Variants in TAOK3 observed in about 807,000 individuals in gnomAD.
TAOK3 encodes the protein TAO kinase 3.
TAOK3 carries 40 observed loss-of-function variants against 120.4 expected under a neutral mutation model. The observed-to-expected ratio is 0.33, with a 90% CI of 0.26 to 0.43. The LOEUF (loss-of-function observed/expected upper bound fraction) is 0.43, where lower values mean the gene tolerates loss of function less well. Among genes scored for constraint, TAOK3 ranks in the 20% least tolerant of loss-of-function variants. The pLI, the probability that TAOK3 is intolerant of heterozygous loss-of-function variation, is 1.00. For synonymous variants in TAOK3, 355 were observed against 387.5 expected (o/e 0.92, Z 0.99); for missense variants, 821 against 1,112.1 (o/e 0.74, Z 3.72).
At chr12:118,172,803 A>G (rs995317727) in intron 16 of TAOK3, 143 bp from the exon 17 acceptor site, 15 of 690,198 alleles carry the variant, frequency 2.2e-5, no homozygotes, top group African/African-American at 2.2e-4. Context: ...CCTTCCCCCA[A>G]TTTTTTTTAT....
chr12:118,177,503 A>C (rs2036419542), intron 15 of TAOK3, among the ~76,000 whole-genome samples, 174 bp from the exon 16 acceptor site: 1 of 152,106 alleles, frequency 6.6e-6, no homozygotes, highest in African/African-American at 2.4e-5. Flanking sequence ...GAAACACAAA[A>C]AAAAAAACAC....
At chr12:118,363,507 T>C (rs2045660494) in intron 1 of TAOK3, among the ~76,000 whole-genome samples, 1 of 151,944 alleles carries the variant, frequency 6.6e-6, no homozygotes, top group Admixed American at 6.6e-5. Context: ...TATTAGAGAG[T>C]ATTATGTAAT....
chr12:118,180,222 G>A (rs795479), intron 15 of TAOK3, among the ~76,000 whole-genome samples: 104,060 of 150,336 alleles, frequency 0.69, 35,916 homozygotes, highest in South Asian at 0.72. Flanking sequence ...TGCTGGGATT[G>A]CAGGCGTGAG....
chr12:118,187,125 G>A (rs978076854), intron 14 of TAOK3, among the ~76,000 whole-genome samples: 1 of 152,130 alleles, frequency 6.6e-6, no homozygotes, highest in Non-Finnish European at 1.5e-5. Context: ...TCTAGTTATT[G>A]AAAAACTAAT....
intron 1 of TAOK3, among the ~76,000 whole-genome samples, chr12:118,343,917 C>A (rs2044738174): frequency 1.3e-5 from 2 of 151,204 alleles, no homozygotes; most frequent in African/African-American, 4.9e-5. Flanking sequence ...GAGGCTGAGG[C>A]AGGAGAATGG....
chr12:118,246,183 C>G, intron 3 of TAOK3: 2 of 1,399,918 alleles, frequency 1.4e-6, no homozygotes, highest in Non-Finnish European at 2.0e-6. Context: ...CAGTGGCATC[C>G]GGGGCCGGGG....
chr12:118,206,296 CT>C (rs963734272), intron 11 of TAOK3, among the ~76,000 whole-genome samples: 1 of 152,210 alleles, frequency 6.6e-6, no homozygotes, highest in Non-Finnish European at 1.5e-5. Flanking sequence ...ACGCCACTTC[CT>C]TTTCCAATGT....
At position 118,149,984 on chromosome 12, in the gene TAOK3, A is replaced by G. The variant is rs982161621; in HGVS notation, c.*1013T>C. ...AGTTTGAAAGTGTGAATAATGCAAT[A>G]TTTATGACCAAGAAATGGGACTTAG... On this transcript the variant is annotated 3_prime_UTR_variant, in exon 21 of 21. Coordinates refer to ENST00000392533, the MANE Select transcript of TAOK3 (RefSeq NM_016281.4). The G allele has an allele frequency of 2.0e-5, 3 of 151,864 alleles. No individual in the cohort carries two copies. The highest frequency in any genetic ancestry group is 7.3e-5 in the African/African-American group (3 of 41,294). 9.4% of individuals were successfully genotyped at this position (151,864 alleles called of 1,614,324 possible).
In TAOK3 at chr12:118,370,118, C is replaced by T. The variant is rs538781397; in HGVS notation, c.-194+2530G>A. ...TCCATCTCCTGACCTTGTGATCCGC[C>T]TGCCTCGGCCTCCCAAAGTGCTAGG... On this transcript the variant is annotated intron_variant, in intron 1 of 20. Transcript: ENST00000392533. Among the ~76,000 whole-genome samples, 223 of 149,832 alleles carry T rather than the reference C, an allele frequency of 1.5e-3. 2 individuals are homozygous for T. The highest frequency in any genetic ancestry group is 0.014 in the Middle Eastern group (4 of 294).
intron 9 of TAOK3, among the ~76,000 whole-genome samples, chr12:118,226,789 G>T (rs1182533851): frequency 6.6e-6 from 1 of 152,160 alleles, no homozygotes; most frequent in Non-Finnish European, 1.5e-5. Context: ...AGAGCATGTA[G>T]TTATACATAT....
rs570576898 is a variant in TAOK3, at chr12:118,183,624, C to T, written c.1330-2017G>A. ...TATATGTATCAATTTTACTTCTTCACGCTTATATGTTTCTGAAGTACAACT... is the reference window on the plus strand; with the variant it reads ...TATATGTATCAATTTTACTTCTTCATGCTTATATGTTTCTGAAGTACAACT... On this transcript the variant is annotated intron_variant, in intron 14 of 20. Coordinates refer to ENST00000392533, the MANE Select transcript of TAOK3 (RefSeq NM_016281.4). Among the ~76,000 whole-genome samples, 27 of 152,102 alleles carry T rather than the reference C, an allele frequency of 1.8e-4. No individual in the cohort carries two copies. In the South Asian group the frequency reaches 4.1e-3, roughly 23 times the overall value.
At chr12:118,337,577 C>G (rs1333179548) in intron 1 of TAOK3, among the ~76,000 whole-genome samples, 1 of 152,080 alleles carries the variant, frequency 6.6e-6, no homozygotes, top group Non-Finnish European at 1.5e-5. Flanking sequence ...GAAAATTACT[C>G]AACAACAAAA....
At chr12:118,286,906 T>C (rs2042287275) in intron 1 of TAOK3, among the ~76,000 whole-genome samples, 1 of 152,224 alleles carries the variant, frequency 6.6e-6, no homozygotes, top group South Asian at 2.1e-4. Context: ...AATTAATTAA[T>C]GGCATTTGCA....
chr12:118,199,180 C>T lies in TAOK3; in HGVS notation c.1065G>A (p.Val355=), dbSNP rs765092054. 6.2e-6 allele frequency: 10 copies of T among 1,614,182 alleles called. No homozygotes were observed. In the Admixed American group the frequency reaches 1.7e-4, roughly 27 times the overall value. The part of the protein sequence containing the change: ...GSNHSIPSMS[V]STGSQSSSVN... Reference sequence around the variant, plus strand: ...CACTGCTGCTCTGGCTGCCTGTGCTCACGGACATGCTTGGAATGGAATGGT... The same window carrying T: ...CACTGCTGCTCTGGCTGCCTGTGCTTACGGACATGCTTGGAATGGAATGGT... The change falls in exon 13 of 21, where the codon GTG becomes GTA. Residue 355 remains valine (V), a synonymous_variant. Transcript: ENST00000392533.
At chr12:118,296,506 C>T (rs762289254) in intron 1 of TAOK3, among the ~76,000 whole-genome samples, 4 of 152,042 alleles carry the variant, frequency 2.6e-5, no homozygotes, top group Non-Finnish European at 4.4e-5. Context: ...CTATAAGTTT[C>T]GGGAAAAAAG....
intron 9 of TAOK3, among the ~76,000 whole-genome samples, chr12:118,229,683 G>A (rs923780561): frequency 1.3e-5 from 2 of 152,132 alleles, no homozygotes; most frequent in African/African-American, 2.4e-5. Flanking sequence ...TGTAATCCCA[G>A]CACTTTGGAA....
chr12:118,228,198 C>T (rs998000239), intron 9 of TAOK3, among the ~76,000 whole-genome samples: 2 of 147,676 alleles, frequency 1.4e-5, no homozygotes, highest in South Asian at 4.2e-4. Flanking sequence ...TGTCGTCCAG[C>T]TGGAGTGCAA....
chr12:118,366,654 A>G lies in TAOK3; in HGVS notation c.-194+5994T>C, dbSNP rs768277415. ...TATACAATGTGAGGTTGATTTCACTACCCATCATTTCACTGAGGCCAGAGG... is the reference window on the plus strand; with the variant it reads ...TATACAATGTGAGGTTGATTTCACTGCCCATCATTTCACTGAGGCCAGAGG... On this transcript the variant is annotated intron_variant, in intron 1 of 20. Transcript: ENST00000392533. Among the ~76,000 whole-genome samples the G allele has an allele frequency of 7.9e-5, 12 of 152,332 alleles. 1 individual carries two copies. The South Asian group carries it at 1.4e-3, about 18-fold the overall frequency.
intron 1 of TAOK3, among the ~76,000 whole-genome samples, chr12:118,281,159 T>A (rs200849949): frequency 6.6e-6 from 1 of 152,328 alleles, no homozygotes; most frequent in East Asian, 1.9e-4. Context: ...AGTTTGACTT[T>A]CTTTCTTCCT....
Sources: allele counts gnomAD v4.1 joint callset (sites outside exome capture counted in the v4.1 genomes callset), GRCh38; gene constraint gnomAD v4.1.1; transcripts MANE v1.5; gene names NCBI Gene and HGNC (gene_info 2026-07-23, HGNC 2026-07-21).